The following LCT variants were observed in gnomAD, a reference collection of about 807,000 sequenced individuals.
LCT encodes lactase/phlorizin hydrolase.
Under a neutral mutation model 173.0 loss-of-function variants are expected in LCT, and 90 were observed. The observed-to-expected ratio is 0.52, with a 90% CI of 0.44 to 0.62. The LOEUF (loss-of-function observed/expected upper bound fraction) is 0.62. Among genes scored for constraint, LCT ranks in the 20% least tolerant of loss-of-function variants. The pLI is 0.00. For synonymous variants in LCT, 853 were observed against 957.6 expected (o/e 0.89, Z 2.02); for missense variants, 1,864 against 2,431.4 (o/e 0.77, Z 4.91).
At position 135,836,599 on chromosome 2, in the gene LCT, G is replaced by C. The variant is rs1467513782; in HGVS notation, c.571C>G (p.Gln191Glu). 6.2e-7 allele frequency: 1 copy of C among 1,613,848 alleles called. No individual in the cohort carries two copies. The highest frequency in any genetic ancestry group is 2.2e-5 in the East Asian group (1 of 44,874). ...ELPHQESRAS[Q>E]LQTLSDAHRK... ...TGGGCATCACTGAGGGTCTGGAGTT[G>C]TGACGCTCTTGATTCCTGGTGGGGA... Residue 191 changes from glutamine (Q) to glutamate (E), a missense_variant, in exon 1 of 17, where the codon CAA becomes GAA. Around this residue, in one of 4 missense-constraint regions of LCT, gnomAD observed 412 missense variants for 462.0 expected, o/e 0.89. Transcript: ENST00000264162.
At chr2:135,831,292 A>G (rs536416309) in intron 2 of LCT, among the ~76,000 whole-genome samples, 3 of 152,320 alleles carry the variant, frequency 2.0e-5, no homozygotes, top group East Asian at 1.9e-4. Flanking sequence ...TGAGGAAGGC[A>G]GGAAGACAGG....
chr2:135,812,606 G>A lies in LCT; in HGVS notation c.2058C>T (p.Tyr686=), dbSNP rs2077744355. Residue 686 remains tyrosine (Y), a synonymous_variant, in exon 7 of 17, where the codon TAC becomes TAT. Coordinates refer to ENST00000264162, the MANE Select transcript of LCT (RefSeq NM_002299.4). ...GSADFLGLSH[Y]TSRLISNAPQ... is the part of the protein sequence containing the mutation. ...GGGCGTTGCTGATGAGGCGGGAGGT[G>A]TAATGCGACAGACCCAGAAAATCAG... 6.2e-7 allele frequency: 1 copy of A among 1,611,556 alleles called. No individual in the cohort carries two copies. The highest frequency in any genetic ancestry group is 2.2e-5 in the East Asian group (1 of 44,832).
At position 135,804,973 on chromosome 2, in the gene LCT, C is replaced by T. The variant is rs2077658034; in HGVS notation, c.4258G>A (p.Ala1420Thr). 1 of 1,614,220 alleles carries T rather than the reference C, an allele frequency of 6.2e-7. No homozygotes were observed. The highest frequency in any genetic ancestry group is 8.5e-7 in the Non-Finnish European group (1 of 1,180,042). Residue 1420 changes from alanine to threonine, a missense_variant, in exon 10 of 17, where the codon GCC (alanine) becomes ACC (threonine). Physicochemically the swap from Ala to Thr is moderately conservative, Grantham distance 58 (BLOSUM62 0). Transcript: ENST00000264162. The part of the protein sequence containing the change: ...SHTPLRVEND[A>T]IGDVACDSYH... ...CTGTCACAGGCCACGTCTCCAATGG[C>T]ATCGTTCTCAACCCTCAGTGGTGTG...
Position 135,807,308 on chromosome 2 carries a change from C to T in LCT, c.3993G>A (p.Lys1331=), listed in dbSNP as rs1032382898. The part of the protein sequence containing the change: ...NFEWLNGYTV[K]FGLYHVDFNN... Reference sequence around the variant, plus strand: ...TGAAATCAACATGGTACAGTCCAAACTTGACCGTGTAGCCATTTAGCCACT... The same window carrying T: ...TGAAATCAACATGGTACAGTCCAAATTTGACCGTGTAGCCATTTAGCCACT... Residue 1331 remains lysine, a synonymous_variant, in exon 9 of 17, where the codon AAG becomes AAA. Coordinates refer to ENST00000264162, the MANE Select transcript of LCT (RefSeq NM_002299.4). The T allele has an allele frequency of 2.5e-6, 4 of 1,614,110 alleles. No homozygotes were observed. Among genetic ancestry groups the T allele is most frequent in the African/African-American group, 1.3e-5 (1 of 74,936 alleles).
chr2:135,822,357 C>T (rs1187697192), intron 4 of LCT: 2 of 460,506 alleles, frequency 4.3e-6, no homozygotes, highest in African/African-American at 2.0e-5. Flanking sequence ...GTTGCTGGTC[C>T]CACCCCAAGA....
In LCT at chr2:135,833,167, G is replaced by A. The variant is rs147426095; in HGVS notation, c.664C>T (p.Arg222Ter). ...FQGGKLSVVL[R>*]AEDIPELLLE... ...AGGAGCTCCGGGATATCTTCAGCTC[G>A]CAGGACAACAGAGAGTTTTCCGCCT... The change falls in exon 2 of 17, where the codon CGA becomes TGA. Residue 222 changes from arginine (R) to a stop codon, truncating the protein, a stop_gained. Coordinates refer to ENST00000264162, the MANE Select transcript of LCT (RefSeq NM_002299.4). LOFTEE classifies it high-confidence loss of function. The A allele has an allele frequency of 4.3e-6, 7 of 1,613,780 alleles. No individual in the cohort carries two copies. The African/African-American group carries it at 6.7e-5, about 15-fold the overall frequency.
intron 1 of LCT, 106 bp from the exon 2 acceptor site, chr2:135,833,296 A>G (rs940342004): frequency 8.4e-6 from 7 of 833,790 alleles, no homozygotes; most frequent in Non-Finnish European, 1.5e-5. Context: ...AAATCATCCA[A>G]ATGACTTTAC....
intron 14 of LCT, among the ~76,000 whole-genome samples, chr2:135,793,236 G>C (rs2083190): frequency 0.97 from 148,027 of 152,338 alleles, 72,037 homozygotes; most frequent in Non-Finnish European, 1. Flanking sequence ...CCTGCCACCT[G>C]CACTGGAGCA....
chr2:135,807,629 A>G (rs567253733), intron 8 of LCT, among the ~76,000 whole-genome samples: 1 of 152,230 alleles, frequency 6.6e-6, no homozygotes, highest in East Asian at 1.9e-4. Context: ...GGGGTAAAGA[A>G]ACATGCCCCA....
chr2:135,831,833 G>A (rs570177021), intron 2 of LCT, among the ~76,000 whole-genome samples: 11 of 152,182 alleles, frequency 7.2e-5, no homozygotes, highest in Non-Finnish European at 1.0e-4. Context: ...ACGGAGACCG[G>A]CGGTGGTTCC....
rs567045024 is a variant in LCT, at chr2:135,794,649, A to G, written c.5103T>C (p.Asp1701=). The G allele has an allele frequency of 6.2e-7, 1 of 1,614,144 alleles. No homozygotes were observed. Among genetic ancestry groups the G allele is most frequent in the South Asian group, 1.1e-5 (1 of 91,070 alleles). ...LNYATAISSF[D]ADRGVASIAD... ...CCTGTTGGTGGACTTACCTGTCTGC[A>G]TCAAAAGAAGAGATGGCAGTGGCAT... The change falls in exon 14 of 17, where the codon GAT becomes GAC. Residue 1701 remains aspartate (D), a synonymous_variant. Transcript: ENST00000264162.
chr2:135,813,065 G>C, intron 6 of LCT, 109 bp from the exon 7 acceptor site: 2 of 950,290 alleles, frequency 2.1e-6, no homozygotes, highest in Admixed American at 4.0e-5. Flanking sequence ...AGTCAATAAA[G>C]ACAACAACAA....
rs771415053 is a variant in LCT, at chr2:135,829,695, T to A, written c.721-19A>T. 1.1e-4 allele frequency: 170 copies of A among 1,531,940 alleles called. No individual in the cohort carries two copies. Among genetic ancestry groups the A allele is most frequent in the Non-Finnish European group, 1.5e-4 (163 of 1,105,454 alleles). The allele number at this position is 1,531,940 out of a possible 1,614,324, so 94.9% of individuals were successfully genotyped here. A position where few individuals can be genotyped will look rare whatever the true frequency, so the allele number is the denominator to read the frequency against. On this transcript the variant is annotated intron_variant, in intron 2 of 16. Transcript: ENST00000264162. ...CCGTGTCCTGAAAATAGTAGTTAAA[T>A]AGGGTCATTAGAACCTAAGCACTGT...
At chr2:135,800,281 GT>G (rs1433803743) in intron 12 of LCT, among the ~76,000 whole-genome samples, 1 of 152,136 alleles carries the variant, frequency 6.6e-6, no homozygotes, top group Non-Finnish European at 1.5e-5. Flanking sequence ...GTCACCTGGA[GT>G]TTAATGGTGC....
chr2:135,804,705 C>A (rs984615170), intron 10 of LCT, 62 bp downstream of exon 10: 10 of 1,447,714 alleles, frequency 6.9e-6, no homozygotes, highest in Non-Finnish European at 8.7e-6. Context: ...TAAATGTGCT[C>A]CCCCAGCCCT....
At position 135,790,854 on chromosome 2, in the gene LCT, C is replaced by T. The variant is rs191644749; in HGVS notation, c.5139G>A (p.Ser1713=). Residue 1713 remains serine, a synonymous_variant, in exon 15 of 17, where the codon TCG becomes TCA. Coordinates refer to ENST00000264162, the MANE Select transcript of LCT (RefSeq NM_002299.4). This position sits in a 1 kb window ranked among gnomAD's most constrained non-coding sequence, Gnocchi z 4.1. ...GCCAGAAGGAGCCAGAGTCTGGCCA[C>T]GAGCGATCTGCGATGGAAGCAACTC... ...DRGVASIADR[S]WPDSGSFWLK... 15 of 1,614,070 alleles carry T rather than the reference C, an allele frequency of 9.3e-6. No individual in the cohort carries two copies. The highest frequency in any genetic ancestry group is 2.2e-5 in the East Asian group (1 of 44,880).
chr2:135,807,528 A>G (rs2077687338), intron 8 of LCT, 132 bp from the exon 9 acceptor site: 1 of 816,998 alleles, frequency 1.2e-6, no homozygotes. Flanking sequence ...AGAGACCAAC[A>G]GATCATCTGT....
chr2:135,799,389 C>T (rs1488985534), intron 12 of LCT, among the ~76,000 whole-genome samples: 1 of 152,116 alleles, frequency 6.6e-6, no homozygotes, highest in Non-Finnish European at 1.5e-5. Flanking sequence ...AGGAGCTGTG[C>T]CGTGAACGAG....
In LCT at chr2:135,818,015, G is replaced by T; in HGVS notation, c.1033C>A (p.Gln345Lys). 6.2e-7 allele frequency: 1 copy of T among 1,613,424 alleles called. No homozygotes were observed. Among genetic ancestry groups the T allele is most frequent in the Non-Finnish European group, 8.5e-7 (1 of 1,180,016 alleles). ...GAGTCCGTGGTCTCGTGGTCCTGCT[G>T]CTGGTCAGGCTGAAGGGCCAGGCTG... ...TGSLALQPDQ[Q>K]QDHETTDSSP... Residue 345 changes from glutamine (Q) to lysine (K), a missense_variant, in exon 6 of 17, where the codon CAG (glutamine) becomes AAG (lysine). Gln to Lys is a moderately conservative substitution (Grantham distance 53). Transcript: ENST00000264162.
Sources: gnomAD v4.1 joint callset for allele counts (sites outside exome capture counted in the v4.1 genomes callset) on GRCh38, gnomAD v4.1.1 for gene constraint, gnomAD v4.1.1 regional missense constraint, Gnocchi (gnomAD v3.1) non-coding constraint, MANE v1.5 for transcripts, NCBI Gene and HGNC (gene_info 2026-07-23, HGNC 2026-07-21) for gene names.